CNTNAP1: variants seen among roughly 807,000 people sequenced by gnomAD.
The protein encoded by CNTNAP1 is contactin associated protein 1.
In CNTNAP1, 80 loss-of-function variants were observed where a neutral mutation model predicts 161.5. That is an observed-to-expected ratio of 0.50 (90% confidence interval 0.41 to 0.60). CNTNAP1 has a LOEUF of 0.60. Among genes scored for constraint, CNTNAP1 ranks in the 20% least tolerant of loss-of-function variants. The pLI is 0.00. For synonymous variants in CNTNAP1, 695 were observed against 733.1 expected, an observed-to-expected ratio of 0.95 and a Z score of 0.84; for missense variants, 1,464 against 1,854.8, an observed-to-expected ratio of 0.79 and a Z score of 3.87.
chr17:42,693,202 G>A (rs1044282564), intron 17 of CNTNAP1, 95 bp from the exon 18 acceptor site: 99 of 1,420,366 alleles, frequency 7.0e-5, no homozygotes, highest in Non-Finnish European at 8.9e-5. Flanking sequence ...CTCGTGATTC[G>A]CCCGCCTCGG....
rs1463972117 is a variant in CNTNAP1 at position 42,685,410 on chromosome 17, C to T, written c.705C>T (p.His235=). ...TGGAGGGGGCACACCTGCTGCTGCACATGAGCCTGGGTGAGCTCGGCGACC... is the reference window on the plus strand; with the variant it reads ...TGGAGGGGGCACACCTGCTGCTGCATATGAGCCTGGGTGAGCTCGGCGACC... ...LELEGAHLLL[H]MSLGSSPIQP... The change falls in exon 5 of 24, where the codon CAC becomes CAT. Residue 235 remains histidine, a synonymous_variant. Coordinates refer to ENST00000264638, the MANE Select transcript of CNTNAP1 (RefSeq NM_003632.3). The surrounding 1 kb of genome is among the most constrained non-coding windows in gnomAD (Gnocchi z 5.0). The T allele has an allele frequency of 6.2e-7, 1 of 1,602,692 alleles. No individual in the cohort carries two copies. The highest frequency in any genetic ancestry group is 8.5e-7 in the Non-Finnish European group (1 of 1,179,798).
rs1420116161 is a variant in CNTNAP1, at chr17:42,685,984, G to A, written c.743G>A (p.Gly248Asp). 1 of 1,614,134 alleles carries A rather than the reference G, an allele frequency of 6.2e-7. No homozygotes were observed. The highest frequency in any genetic ancestry group is 1.1e-5 in the South Asian group (1 of 91,078). ...AGCAGCCCTATCCAGCCAAGACCAGGTCACACCACCGTGAGCGCAGGCGGA... is the reference window on the plus strand; with the variant it reads ...AGCAGCCCTATCCAGCCAAGACCAGATCACACCACCGTGAGCGCAGGCGGA... ...LGSSPIQPRP[G>D]HTTVSAGGVL... is the part of the protein sequence containing the mutation. Residue 248 changes from glycine to aspartate, a missense_variant, in exon 6 of 24, where the codon GGT becomes GAT. Physicochemically the swap from Gly to Asp is moderately conservative, Grantham distance 94. Coordinates refer to ENST00000264638, the MANE Select transcript of CNTNAP1 (RefSeq NM_003632.3). The surrounding 1 kb of genome is among the most constrained non-coding windows in gnomAD (Gnocchi z 5.0).
intron 12 of CNTNAP1, 113 bp from the exon 13 acceptor site, chr17:42,690,626 C>A: frequency 9.7e-7 from 1 of 1,032,796 alleles, no homozygotes; most frequent in Non-Finnish European, 1.5e-6. Context: ...TGGAATGGAG[C>A]TGCTGGCCAC....
intron 10 of CNTNAP1, 39 bp from the exon 11 acceptor site, chr17:42,689,482 C>T (rs1377285023): frequency 1.3e-6 from 2 of 1,525,850 alleles, no homozygotes; most frequent in Non-Finnish European, 9.0e-7. Flanking sequence ...CTCCAGCTCC[C>T]AGTAAGGCTC....
At chr17:42,690,009 G>C in intron 11 of CNTNAP1, 79 bp from the exon 12 acceptor site, 1 of 1,550,242 alleles carries the variant, frequency 6.5e-7, no homozygotes, top group South Asian at 1.1e-5. Context: ...CAAAGTGCTG[G>C]GATTACAGGC....
In CNTNAP1 at chr17:42,692,667, C is replaced by T. The variant is rs773535831; in HGVS notation, c.2699C>T (p.Pro900Leu). The part of the protein sequence containing the change: ...RVDHRPWVLR[P>L]MPLQTYIWME... ...GATCACCGGCCCTGGGTTCTGCGGC[C>T]TATGCCACTGCAGACCTACATCTGG... The change falls in exon 17 of 24, where the codon CCT becomes CTT. Residue 900 changes from proline (P) to leucine (L), a missense_variant. Around this residue, in one of 3 missense-constraint regions of CNTNAP1, gnomAD observed 1,383 missense variants for 1,765.0 expected, o/e 0.78. Transcript: ENST00000264638. The T allele has an allele frequency of 2.0e-5, 32 of 1,614,056 alleles. No homozygotes were observed. The highest frequency in any genetic ancestry group is 6.7e-5 in the Admixed American group (4 of 60,010).
At chr17:42,697,477 G>T (rs1184808855) in intron 21 of CNTNAP1, 77 bp from the exon 22 acceptor site, 1 of 1,608,784 alleles carries the variant, frequency 6.2e-7, no homozygotes, top group Non-Finnish European at 8.5e-7. Flanking sequence ...GGAAGGATGA[G>T]TGGGAAACCT....
At position 42,690,937 on chromosome 17, in the gene CNTNAP1, C is replaced by T. The variant is rs935173141; in HGVS notation, c.2054C>T (p.Thr685Ile). 4.1e-5 allele frequency: 66 copies of T among 1,614,074 alleles called. No homozygotes were observed. The East Asian group carries it at 1.4e-3, about 35-fold the overall frequency. Residue 685 changes from threonine to isoleucine, a missense_variant, in exon 13 of 24, where the codon ACT becomes ATT. By Grantham distance (89) the Thr-to-Ile change is moderately conservative. Transcript: ENST00000264638. ...TGCTACAATTCCCGGCTGCTCAACA[C>T]TGCAGGTTAGGGCTGGGGTCAGGGA... Reference protein sequence around the residue: ...FSCYNSRLLNTAGGYPYSFWI... With the variant: ...FSCYNSRLLNIAGGYPYSFWI...
intron 8 of CNTNAP1, 69 bp downstream of exon 8, chr17:42,688,050 C>T: frequency 6.4e-7 from 1 of 1,558,420 alleles, no homozygotes; most frequent in Admixed American, 1.8e-5. Flanking sequence ...AGTTGTAGGC[C>T]TGGACTGAGG....
At chr17:42,698,053 C>A in intron 23 of CNTNAP1, 103 bp downstream of exon 23, 3 of 1,284,528 alleles carry the variant, frequency 2.3e-6, no homozygotes, top group Non-Finnish European at 3.4e-6. Context: ...GGCAAAGGCA[C>A]TAGATGCACA....
Position 42,697,800 on chromosome 17 carries a change from G to A in CNTNAP1, c.3814+1G>A. 1.2e-6 allele frequency: 2 copies of A among 1,614,164 alleles called. No homozygotes were observed. The highest frequency in any genetic ancestry group is 1.6e-4 in the Middle Eastern group (1 of 6,062). ...CTTGATCCCTGGTATCTGCCCCCAG[G>A]TACATTCCCAGGACACAGAGGACAG... On this transcript the variant is annotated splice_donor_variant, in intron 22 of 23. Coordinates refer to ENST00000264638, the MANE Select transcript of CNTNAP1 (RefSeq NM_003632.3). LOFTEE classifies it high-confidence loss of function.
At chr17:42,697,246 G>A (rs767101803) in intron 20 of CNTNAP1, 28 bp from the exon 21 acceptor site, 12 of 1,526,162 alleles carry the variant, frequency 7.9e-6, no homozygotes, top group East Asian at 4.5e-5. Context: ...CTCCCTCATC[G>A]CCCTCCCCCT....
At position 42,687,697 on chromosome 17, in the gene CNTNAP1, T is replaced by C. The variant is rs769974851; in HGVS notation, c.1045-23T>C. 2 of 1,610,602 alleles carry C rather than the reference T, an allele frequency of 1.2e-6. No homozygotes were observed. Among genetic ancestry groups the C allele is most frequent in the East Asian group, 2.2e-5 (1 of 44,804 alleles). On this transcript the variant is annotated intron_variant, in intron 7 of 23. Transcript: ENST00000264638. The surrounding 1 kb of genome is among the most constrained non-coding windows in gnomAD (Gnocchi z 4.7). ...GGCAGAGGCGGCTCACGGGTGTTGA[T>C]GCGTCTTCACTTTTGCCCCTAGGGT...
At chr17:42,684,296 C>T in intron 3 of CNTNAP1, 67 bp downstream of exon 3, 1 of 1,487,242 alleles carries the variant, frequency 6.7e-7, no homozygotes. Context: ...GGCCGGGCAC[C>T]AGCCTCTGGG....
intron 1 of CNTNAP1, chr17:42,683,413 C>A: frequency 9.2e-7 from 1 of 1,087,818 alleles, no homozygotes; most frequent in Non-Finnish European, 1.1e-6. Flanking sequence ...GGGTGCAAGG[C>A]CTGTATTTGG....
In CNTNAP1 at chr17:42,692,502, C is replaced by T. The variant is rs757503886; in HGVS notation, c.2534C>T (p.Ser845Phe). The T allele has an allele frequency of 6.2e-7, 1 of 1,613,796 alleles. No homozygotes were observed. The highest frequency in any genetic ancestry group is 8.5e-7 in the Non-Finnish European group (1 of 1,179,734). The change falls in exon 17 of 24, where the codon TCC becomes TTC. Residue 845 changes from serine (S) to phenylalanine (F), a missense_variant. Ser to Phe is a radical substitution (Grantham distance 155). Around this residue, in one of 3 missense-constraint regions of CNTNAP1, gnomAD observed 1,383 missense variants for 1,765.0 expected, o/e 0.78. Transcript: ENST00000264638. Reference protein sequence around the residue: ...RPYVRVELNTSRDVVFAFDVG... With the variant: ...RPYVRVELNTFRDVVFAFDVG... ...TACCCTGCATCACACTGTCCAGCATCCCGGGATGTGGTCTTCGCCTTTGAT... is the reference window on the plus strand; with the variant it reads ...TACCCTGCATCACACTGTCCAGCATTCCGGGATGTGGTCTTCGCCTTTGAT...
At chr17:42,694,049 T>C (rs1161015787) in intron 18 of CNTNAP1, among the ~76,000 whole-genome samples, 1 of 151,976 alleles carries the variant, frequency 6.6e-6, no homozygotes, top group Non-Finnish European at 1.5e-5. Flanking sequence ...TTAGTGGAGA[T>C]GGGGTTTCAC....
chr17:42,687,739 G>T lies in CNTNAP1; in HGVS notation c.1064G>T (p.Cys355Phe). 1 of 1,614,112 alleles carries T rather than the reference G, an allele frequency of 6.2e-7. No individual in the cohort carries two copies. Among genetic ancestry groups the T allele is most frequent in the Middle Eastern group, 1.6e-4 (1 of 6,062 alleles). The change falls in exon 8 of 24, where the codon TGC becomes TTC. Residue 355 changes from cysteine (C) to phenylalanine (F), a missense_variant. Cys to Phe is a radical substitution (Grantham distance 205). Coordinates refer to ENST00000264638, the MANE Select transcript of CNTNAP1 (RefSeq NM_003632.3). The surrounding 1 kb of genome is among the most constrained non-coding windows in gnomAD (Gnocchi z 4.7). ...ITFEGKVAFR[C>F]LDPVPHPINF... Reference sequence around the variant, plus strand: ...CCCTAGGGTAAGGTGGCTTTTCGTTGCCTGGACCCGGTACCGCACCCTATC... The same window carrying T: ...CCCTAGGGTAAGGTGGCTTTTCGTTTCCTGGACCCGGTACCGCACCCTATC...
At chr17:42,698,541 G>C (rs1302483737) in intron 23 of CNTNAP1, 77 bp from the exon 24 acceptor site, 1 of 1,149,236 alleles carries the variant, frequency 8.7e-7, no homozygotes, top group Non-Finnish European at 1.2e-6. Flanking sequence ...GTGCGTGTGT[G>C]TGTGTGTGTG....
Sources: allele counts gnomAD v4.1 joint callset (sites outside exome capture counted in the v4.1 genomes callset), GRCh38; gene constraint gnomAD v4.1.1; regional missense constraint gnomAD v4.1.1; non-coding constraint Gnocchi (gnomAD v3.1); transcripts MANE v1.5; gene names NCBI Gene and HGNC (gene_info 2026-07-23, HGNC 2026-07-21).